Variants in RBM39 observed in about 807,000 individuals in gnomAD.
RBM39 encodes RNA binding motif protein 39.
A neutral mutation model predicts 79.6 loss-of-function variants in RBM39; 12 were observed. That is an observed-to-expected ratio of 0.15 (90% confidence interval 0.10 to 0.24). The LOEUF is 0.24. Among genes scored for constraint, RBM39 ranks in the 10% least tolerant of loss-of-function variants. The probability of loss-of-function intolerance (pLI) is 1.00; values close to 1 mark genes in which losing one functional copy is unlikely to be tolerated. For synonymous variants in RBM39, 185 were observed against 208.4 expected, an observed-to-expected ratio of 0.89 and a Z score of 0.97; for missense variants, 243 against 653.4, an observed-to-expected ratio of 0.37 and a Z score of 6.85.
intron 12 of RBM39, among the ~76,000 whole-genome samples, chr20:35,711,838 G>A (rs1046825290): frequency 2.6e-5 from 4 of 151,816 alleles, no homozygotes; most frequent in African/African-American, 9.7e-5. Flanking sequence ...GTCTCACTTC[G>A]TATATATATA....
intron 3 of RBM39, among the ~76,000 whole-genome samples, chr20:35,738,029 C>T (rs568978998): frequency 5.9e-5 from 9 of 151,404 alleles, no homozygotes; most frequent in South Asian, 2.1e-4. Flanking sequence ...TGATGGCGCG[C>T]GCCTGTAGTC....
intron 13 of RBM39, chr20:35,708,801 A>C (rs778527475): frequency 1.2e-5 from 2 of 168,994 alleles, no homozygotes; most frequent in Non-Finnish European, 2.6e-5. Context: ...CTATGTCTTA[A>C]GCAAAAAAAG....
intron 8 of RBM39, among the ~76,000 whole-genome samples, chr20:35,722,579 A>AC (rs947222801): frequency 1.3e-5 from 2 of 149,834 alleles, no homozygotes; most frequent in Non-Finnish European, 3.0e-5. Context: ...ACTACAGCAC[A>AC]CCCCACATCA....
intron 8 of RBM39, among the ~76,000 whole-genome samples, chr20:35,724,302 A>T (rs1296806414): frequency 1.4e-5 from 2 of 140,192 alleles, no homozygotes; most frequent in Non-Finnish European, 3.0e-5. Flanking sequence ...ATTGCACTCC[A>T]GCCTGGTGAG....
chr20:35,704,760 GA>G lies in RBM39; in HGVS notation c.1414-15del, dbSNP rs756882149. The stretch of plus-strand genomic sequence containing the variant: ...ATACACATTGCCCTACAGAAAAAAT[GA>G]AAAAAAAGGTAAAGATGTTGCTGTA... On this transcript the variant is annotated splice_polypyrimidine_tract_variant and intron_variant, in intron 15 of 16. Transcript: ENST00000253363. 9 of 1,595,334 alleles carry G rather than the reference GA, an allele frequency of 5.6e-6. No homozygotes were observed. Among genetic ancestry groups the G allele is most frequent in the Admixed American group, 5.4e-5 (3 of 55,608 alleles).
intron 11 of RBM39, 96 bp downstream of exon 11, chr20:35,714,089 G>A: frequency 2.4e-6 from 3 of 1,250,884 alleles, no homozygotes; most frequent in Non-Finnish European, 3.4e-6. Flanking sequence ...TACAAAATAA[G>A]ATAAAATCTT....
chr20:35,730,828 T>C (rs1450716449), intron 4 of RBM39, among the ~76,000 whole-genome samples: 1 of 152,110 alleles, frequency 6.6e-6, no homozygotes, highest in Non-Finnish European at 1.5e-5. Flanking sequence ...TAAAATAGCA[T>C]TGTGGTCCCA....
rs1423718184 is a variant in RBM39 at position 35,722,457 on chromosome 20, G to GTTTTTTTTT, written c.688-581_688-580insAAAAAAAAA. Among the ~76,000 whole-genome samples the GTTTTTTTTT allele has an allele frequency of 6.1e-3, 800 of 131,032 alleles. 24 individuals carry two copies. The highest frequency in any genetic ancestry group is 0.013 in the Middle Eastern group (3 of 230). The allele number at this position is 131,032 out of a possible 152,430, so 86.0% of individuals were successfully genotyped here. A position where few individuals can be genotyped will look rare whatever the true frequency, so the allele number is the denominator to read the frequency against. Reference sequence around the variant, plus strand: ...ATAAAAATAAAAAGTTTATTTAGAGGCTTTTTTTTTTTTTTTTTTGAGACA... The same window carrying GTTTTTTTTT: ...ATAAAAATAAAAAGTTTATTTAGAGGTTTTTTTTTCTTTTTTTTTTTTTTTTTTGAGACA... On this transcript the variant is annotated intron_variant, in intron 8 of 16. Coordinates refer to ENST00000253363, the MANE Select transcript of RBM39 (RefSeq NM_184234.3).
At chr20:35,725,257 G>A in intron 6 of RBM39, 102 bp from the exon 7 acceptor site, 2 of 788,880 alleles carry the variant, frequency 2.5e-6, no homozygotes, top group Non-Finnish European at 4.0e-6. Flanking sequence ...TCAGGTACAG[G>A]TGGGTTTTGG....
intron 9 of RBM39, among the ~76,000 whole-genome samples, chr20:35,720,605 A>T (rs958043198): frequency 1.7e-5 from 2 of 116,276 alleles, no homozygotes; most frequent in East Asian, 2.3e-4. Flanking sequence ...CCCTGTCTCT[A>T]AAAAAAAAAA....
chr20:35,717,683 T>TA (rs1438059695), intron 9 of RBM39, among the ~76,000 whole-genome samples: 1 of 152,016 alleles, frequency 6.6e-6, no homozygotes, highest in Non-Finnish European at 1.5e-5. Context: ...TAAAAAAAGG[T>TA]ATGAAAAATT....
At chr20:35,713,188 T>C in intron 11 of RBM39, 92 bp from the exon 12 acceptor site, 3 of 1,136,096 alleles carry the variant, frequency 2.6e-6, no homozygotes, top group Non-Finnish European at 3.8e-6. Flanking sequence ...TTCACTAAAA[T>C]AAATTGCAAG....
In RBM39 at chr20:35,731,989, C is replaced by T. The variant is rs774181883; in HGVS notation, c.248G>A (p.Arg83His). The T allele has an allele frequency of 3.1e-6, 5 of 1,614,018 alleles. No homozygotes were observed. The highest frequency in any genetic ancestry group is 1.7e-5 in the Admixed American group (1 of 59,998). ...AAATCTTCGATCTCGACTTCTTGAG[C>T]GGCTCCGTCGCCTCTCTTTGCTTCT... ...RSRSKERRRSRSRSRDRRFRG... is the reference protein window; with the variant it reads ...RSRSKERRRSHSRSRDRRFRG... Residue 83 changes from arginine to histidine, a missense_variant, in exon 4 of 17, where the codon CGC becomes CAC. By Grantham distance (29) the Arg-to-His change is conservative. This residue lies in a region of RBM39 where 115 missense variants were observed against 184.1 expected (regional missense o/e 0.62). Coordinates refer to ENST00000253363, the MANE Select transcript of RBM39 (RefSeq NM_184234.3).
rs58614202 is a variant in RBM39, at chr20:35,707,027, TAAAAAAAAAAAA to T, written c.1307+81_1307+92del. ...AGACAACAAGAGCGAAACTCCATCT[TAAAAAAAAAAAA>T]AAAAAAAAAAAAGAGAAATATATAA... On this transcript the variant is annotated intron_variant, in intron 14 of 16. Coordinates refer to ENST00000253363, the MANE Select transcript of RBM39 (RefSeq NM_184234.3). The T allele has an allele frequency of 2.6e-3, 402 of 151,884 alleles. 4 individuals carry two copies. The East Asian group carries it at 0.063, about 24-fold the overall frequency. The allele number at this position is 151,884 out of a possible 1,614,324, so 9.4% of individuals were successfully genotyped here.
At chr20:35,720,934 G>T (rs929055993) in intron 9 of RBM39, among the ~76,000 whole-genome samples, 1 of 152,080 alleles carries the variant, frequency 6.6e-6, no homozygotes, top group Non-Finnish European at 1.5e-5. Flanking sequence ...CACATAACCA[G>T]GGAGACAGAG....
At chr20:35,730,676 A>G (rs1477058601) in intron 4 of RBM39, among the ~76,000 whole-genome samples, 2 of 152,214 alleles carry the variant, frequency 1.3e-5, no homozygotes, top group East Asian at 3.9e-4. Flanking sequence ...TCCATCACTC[A>G]AAGGAATTAA....
chr20:35,707,302 C>G, intron 13 of RBM39, 101 bp from the exon 14 acceptor site: 1 of 624,730 alleles, frequency 1.6e-6, no homozygotes, highest in South Asian at 2.4e-5. Context: ...AAGCATGTAA[C>G]TAGGATGTCA....
chr20:35,707,848 G>A lies in RBM39; in HGVS notation c.1226-647C>T, dbSNP rs144968538. The A allele has an allele frequency of 7.2e-4, 329 of 456,758 alleles. 3 individuals are homozygous for A. The East Asian group carries it at 0.023, about 32-fold the overall frequency. 28.3% of individuals were successfully genotyped at this position (456,758 alleles called of 1,614,324 possible). The stretch of plus-strand genomic sequence containing the variant: ...TCCACTACTACCAAAACATACTGGG[G>A]TTTGAAGTTTAAAGAGCATTTTCCA... On this transcript the variant is annotated intron_variant, in intron 13 of 16. Transcript: ENST00000253363.
intron 10 of RBM39, among the ~76,000 whole-genome samples, chr20:35,715,336 G>A (rs1007218370): frequency 3.3e-5 from 5 of 151,956 alleles, no homozygotes; most frequent in Non-Finnish European, 7.4e-5. Flanking sequence ...CACCACGCCC[G>A]GTTAATTTTT....
Sources: gnomAD v4.1 joint callset for allele counts (sites outside exome capture counted in the v4.1 genomes callset) on GRCh38, gnomAD v4.1.1 for gene constraint, gnomAD v4.1.1 regional missense constraint, MANE v1.5 for transcripts, NCBI Gene and HGNC (gene_info 2026-07-23, HGNC 2026-07-21) for gene names.